SGCZ: variants seen among roughly 807,000 people sequenced by gnomAD.
The protein encoded by SGCZ is sarcoglycan zeta, also known as zeta-sarcoglycan.
In SGCZ, 40 loss-of-function variants were observed where a neutral mutation model predicts 41.3. The ratio of observed to expected loss-of-function variants is 0.97; its 90% CI spans 0.75 to 1.26. The LOEUF is 1.26. Among genes scored for constraint, SGCZ ranks in the 50% most tolerant of loss-of-function variants. SGCZ has a pLI of 0.00. For missense variants in SGCZ, 552 were observed against 369.8 expected (o/e 1.49, Z -4.04); for synonymous variants, 206 against 137.5 (o/e 1.50, Z -3.49).
chr8:14,708,454 G>A (rs1011531929), intron 1 of SGCZ, among the ~76,000 whole-genome samples: 2 of 150,694 alleles, frequency 1.3e-5, no homozygotes, highest in African/African-American at 4.9e-5. Flanking sequence ...TTAATCATTT[G>A]GATATTTTTG....
At chr8:14,727,419 G>C (rs1338449258) in intron 1 of SGCZ, among the ~76,000 whole-genome samples, 1 of 151,960 alleles carries the variant, frequency 6.6e-6, no homozygotes. Flanking sequence ...AAACTGCTTG[G>C]CAATATCTTA....
At chr8:14,104,213 G>A (rs1802131182) in intron 6 of SGCZ, among the ~76,000 whole-genome samples, 1 of 152,074 alleles carries the variant, frequency 6.6e-6, no homozygotes, top group Non-Finnish European at 1.5e-5. Flanking sequence ...AATTATAATT[G>A]TATTCATTTT....
At chr8:15,227,975 C>G (rs1801830069) in intron 1 of SGCZ, among the ~76,000 whole-genome samples, 2 of 152,120 alleles carry the variant, frequency 1.3e-5, no homozygotes, top group African/African-American at 4.8e-5. Flanking sequence ...AATGCTGAAA[C>G]TTTACTATGG....
chr8:14,596,577 G>T (rs1470119082), intron 1 of SGCZ, among the ~76,000 whole-genome samples: 2 of 152,010 alleles, frequency 1.3e-5, no homozygotes, highest in Non-Finnish European at 2.9e-5. Context: ...ATTGAACCAA[G>T]ATTTCCTTGG....
chr8:14,221,897 G>A (rs758221580), intron 4 of SGCZ, among the ~76,000 whole-genome samples: 5 of 151,740 alleles, frequency 3.3e-5, no homozygotes, highest in Non-Finnish European at 7.4e-5. Flanking sequence ...GGAGGTGGAG[G>A]TTGCAGTGAG....
At chr8:14,450,041 C>T (rs753796425) in intron 2 of SGCZ, among the ~76,000 whole-genome samples, 55 of 152,046 alleles carry the variant, frequency 3.6e-4, no homozygotes, top group Non-Finnish European at 7.2e-4. Flanking sequence ...GAGAAAAAAA[C>T]TGTGAAAGTG....
intron 2 of SGCZ, among the ~76,000 whole-genome samples, chr8:14,524,982 T>C (rs978077904): frequency 1.3e-5 from 2 of 152,118 alleles, no homozygotes; most frequent in African/African-American, 4.8e-5. Flanking sequence ...CAAGTGTCTC[T>C]TTGCCTCACC....
chr8:14,657,209 T>A (rs1441788399), intron 1 of SGCZ, among the ~76,000 whole-genome samples: 1 of 152,048 alleles, frequency 6.6e-6, no homozygotes, highest in Non-Finnish European at 1.5e-5. Context: ...AAGAGACGTA[T>A]GGATTTTTCC....
At chr8:14,653,794 A>C (rs1358972603) in intron 1 of SGCZ, among the ~76,000 whole-genome samples, 2 of 151,648 alleles carry the variant, frequency 1.3e-5, no homozygotes, top group African/African-American at 4.8e-5. Context: ...TAGCAAAATG[A>C]AAATCCATTC....
chr8:14,225,425 T>C (rs35393067), intron 4 of SGCZ, among the ~76,000 whole-genome samples: 11,564 of 152,130 alleles, frequency 0.076, 634 homozygotes, highest in African/African-American at 0.15. Context: ...CACTATCTTT[T>C]AATACTAAAA....
chr8:14,922,192 T>A (rs900141873), intron 1 of SGCZ, among the ~76,000 whole-genome samples: 1 of 151,638 alleles, frequency 6.6e-6, no homozygotes, highest in African/African-American at 2.4e-5. Flanking sequence ...GCTGGAGAAA[T>A]ACCACAAGCA....
At chr8:14,638,275 A>C (rs1217947639) in intron 1 of SGCZ, among the ~76,000 whole-genome samples, 1 of 151,830 alleles carries the variant, frequency 6.6e-6, no homozygotes, top group Non-Finnish European at 1.5e-5. Context: ...TTGCTTCATC[A>C]GTCATTACAA....
intron 3 of SGCZ, among the ~76,000 whole-genome samples, chr8:14,306,873 G>C (rs1022554808): frequency 6.6e-6 from 1 of 152,160 alleles, no homozygotes; most frequent in Admixed American, 6.6e-5. Context: ...TTACTTCTTT[G>C]TGCTCCACAA....
At chr8:14,688,243 G>T (rs11993614) in intron 1 of SGCZ, among the ~76,000 whole-genome samples, 53,181 of 151,940 alleles carry the variant, frequency 0.35, 11,683 homozygotes, top group African/African-American at 0.63. Flanking sequence ...CATTGCTTTT[G>T]GTGTTTTAGA....
chr8:14,229,679 A>C (rs1348013949), intron 4 of SGCZ, among the ~76,000 whole-genome samples: 1 of 152,044 alleles, frequency 6.6e-6, no homozygotes, highest in Non-Finnish European at 1.5e-5. Context: ...AATTAAAAAA[A>C]ACATAAATTT....
chr8:14,526,948 C>T (rs1206213903), intron 2 of SGCZ, among the ~76,000 whole-genome samples: 1 of 152,032 alleles, frequency 6.6e-6, no homozygotes, highest in Admixed American at 6.6e-5. Flanking sequence ...CTACTGGGCA[C>T]GACAACAGAC....
intron 1 of SGCZ, among the ~76,000 whole-genome samples, chr8:14,761,132 C>T (rs1026203612): frequency 2.0e-5 from 3 of 152,156 alleles, no homozygotes; most frequent in Non-Finnish European, 4.4e-5. Flanking sequence ...GATAATTATT[C>T]TGTCACAGTG....
chr8:14,358,617 T>C (rs1803381990), intron 2 of SGCZ, among the ~76,000 whole-genome samples: 2 of 152,078 alleles, frequency 1.3e-5, no homozygotes, highest in South Asian at 4.1e-4. Flanking sequence ...AAGGTATATA[T>C]ATATATTTTT....
At chr8:14,373,800 A>ATT (rs1804002626) in intron 2 of SGCZ, among the ~76,000 whole-genome samples, 1 of 152,064 alleles carries the variant, frequency 6.6e-6, no homozygotes, top group African/African-American at 2.4e-5. Flanking sequence ...TTTTCGTATG[A>ATT]ATGATAGCAG....
Sources: allele counts gnomAD v4.1 joint callset (sites outside exome capture counted in the v4.1 genomes callset), GRCh38; gene constraint gnomAD v4.1.1; transcripts MANE v1.5; gene names NCBI Gene and HGNC (gene_info 2026-07-23, HGNC 2026-07-21).